The following GALNT9 variants were observed in gnomAD, a reference collection of about 807,000 sequenced individuals.
The protein encoded by GALNT9 is polypeptide N-acetylgalactosaminyltransferase 9.
A neutral mutation model predicts 63.1 loss-of-function variants in GALNT9; 47 were observed. The observed-to-expected ratio is 0.75, with a 90% CI of 0.59 to 0.95. The LOEUF (loss-of-function observed/expected upper bound fraction) is 0.95. Among genes scored for constraint, GALNT9 ranks in the 40% least tolerant of loss-of-function variants. GALNT9 has a pLI of 0.00. For missense variants in GALNT9, 829 were observed against 874.8 expected, an observed-to-expected ratio of 0.95 and a Z score of 0.66; for synonymous variants, 396 against 365.7, an observed-to-expected ratio of 1.08 and a Z score of -0.94.
intron 1 of GALNT9, among the ~76,000 whole-genome samples, chr12:132,299,693 A>T (rs530431912): frequency 7.0e-6 from 1 of 141,976 alleles, no homozygotes. Context: ...CCCATCCCTG[A>T]GATGACCAAG....
chr12:132,261,170 G>C, intron 3 of GALNT9, 48 bp from the exon 4 acceptor site: 1 of 1,540,082 alleles, frequency 6.5e-7, no homozygotes, highest in South Asian at 1.2e-5. Flanking sequence ...TGGCAGGCGC[G>C]GGGCCACCAA....
intron 6 of GALNT9, among the ~76,000 whole-genome samples, chr12:132,233,477 C>G (rs1172203324): frequency 5.5e-5 from 2 of 36,532 alleles, no homozygotes; most frequent in African/African-American, 1.8e-4. Flanking sequence ...CACTCGATGG[C>G]GTGAGAGAGG....
At chr12:132,207,661 C>CCA (rs1210565377) in intron 6 of GALNT9, among the ~76,000 whole-genome samples, 6 of 152,080 alleles carry the variant, frequency 3.9e-5, no homozygotes, top group Non-Finnish European at 5.9e-5. Context: ...CGGCCAACTT[C>CCA]CATCATTAGC....
intron 1 of GALNT9, among the ~76,000 whole-genome samples, chr12:132,290,532 C>T (rs529605706): frequency 6.6e-6 from 1 of 152,178 alleles, no homozygotes; most frequent in South Asian, 2.1e-4. Context: ...AGCTCATGTC[C>T]ACAGCACCCA....
intron 5 of GALNT9, 130 bp from the exon 6 acceptor site, chr12:132,248,157 G>T: frequency 7.3e-7 from 1 of 1,362,368 alleles, no homozygotes; most frequent in Non-Finnish European, 9.7e-7. Context: ...TGTGCACTCA[G>T]GTCCCTGTGC....
intron 6 of GALNT9, among the ~76,000 whole-genome samples, chr12:132,207,779 C>T (rs896364333): frequency 3.3e-5 from 5 of 152,184 alleles, no homozygotes; most frequent in Non-Finnish European, 7.3e-5. Context: ...CAAGGGCCCA[C>T]GGCTTGCGTG....
chr12:132,300,249 C>G (rs1434288915), intron 1 of GALNT9, among the ~76,000 whole-genome samples: 2 of 148,534 alleles, frequency 1.3e-5, no homozygotes, highest in Non-Finnish European at 3.0e-5. Flanking sequence ...TAACCCACTC[C>G]CATGATAACT....
At chr12:132,299,654 C>CATG (rs1156938040) in intron 1 of GALNT9, among the ~76,000 whole-genome samples, 1 of 138,818 alleles carries the variant, frequency 7.2e-6, no homozygotes, top group Non-Finnish European at 1.6e-5. Flanking sequence ...AACTCACTCC[C>CATG]ATAACTAACA....
intron 6 of GALNT9, chr12:132,240,862 C>CGGGGCCCTCCCT (rs1565996057): frequency 1.1e-5 from 4 of 376,578 alleles, no homozygotes; most frequent in African/African-American, 6.8e-5. Context: ...ACCCCCTTCC[C>CGGGGCCCTCCCT]AGGGCCGTCC....
At chr12:132,249,540 C>A (rs1206071370) in intron 5 of GALNT9, among the ~76,000 whole-genome samples, 3 of 152,166 alleles carry the variant, frequency 2.0e-5, no homozygotes, top group Admixed American at 2.0e-4. Flanking sequence ...TTTTAATACC[C>A]CCCCTTGATT....
At chr12:132,328,933 C>A in intron 1 of GALNT9, 33 bp downstream of exon 1, 1 of 1,489,300 alleles carries the variant, frequency 6.7e-7, no homozygotes, top group South Asian at 1.3e-5. Context: ...CCGGGCAGGG[C>A]TGCCCCCACT....
chr12:132,281,915 G>C (rs56359227), intron 2 of GALNT9, among the ~76,000 whole-genome samples: 2 of 120,562 alleles, frequency 1.7e-5, no homozygotes, highest in African/African-American at 8.6e-5. Context: ...GGGGGTCCCC[G>C]ATCCCACAGA....
At chr12:132,217,931 TCATCCACCCACCCACTCACCACTCATC>T in intron 6 of GALNT9, among the ~76,000 whole-genome samples, 1 of 143,974 alleles carries the variant, frequency 6.9e-6, no homozygotes, top group Non-Finnish European at 1.5e-5. Flanking sequence ...ACCCATCCAT[TCATCCACCCACCCACTCACCACTCATC>T]CATCTACCCA....
chr12:132,260,347 G>A (rs1478557274), intron 4 of GALNT9, among the ~76,000 whole-genome samples: 2 of 152,170 alleles, frequency 1.3e-5, no homozygotes, highest in African/African-American at 2.4e-5. Context: ...CCTCCAGAAC[G>A]GTGAGGAGGT....
chr12:132,252,290 T>G lies in GALNT9; in HGVS notation c.960-4263A>C, dbSNP rs1053687451. Among the ~76,000 whole-genome samples the G allele has an allele frequency of 6.6e-6, 1 of 152,158 alleles. No individual in the cohort carries two copies. Among genetic ancestry groups the G allele is most frequent in the Admixed American group, 6.5e-5 (1 of 15,270 alleles). On this transcript the variant is annotated intron_variant, in intron 5 of 10. Coordinates refer to ENST00000328957, the MANE Select transcript of GALNT9 (RefSeq NM_001122636.2). The surrounding 1 kb of genome is among the most constrained non-coding windows in gnomAD (Gnocchi z 5.2). ...GGAAGGGCAGAGAGTCCCAGGCACA[T>G]GGGCACCTCCTGCAGCCGCATCCCC...
At chr12:132,328,928 C>T (rs1869163063) in intron 1 of GALNT9, 38 bp downstream of exon 1, 6 of 1,479,224 alleles carry the variant, frequency 4.1e-6, no homozygotes, top group Non-Finnish European at 5.4e-6. Flanking sequence ...CTGTCCCGGG[C>T]AGGGCTGCCC....
rs542775494 is a variant in GALNT9, at chr12:132,250,266, G to A, written c.960-2239C>T. 1.7e-3 allele frequency among the ~76,000 whole-genome samples: 259 copies of A among 152,282 alleles called. 1 individual carries two copies. The highest frequency in any genetic ancestry group is 3.1e-3 in the Non-Finnish European group (208 of 68,020). ...GTCCACGGGGGCAGGAAGTGGATTC[G>A]TGGATGCAGGGGCTGGGGCGGGGGG... On this transcript the variant is annotated intron_variant, in intron 5 of 10. Coordinates refer to ENST00000328957, the MANE Select transcript of GALNT9 (RefSeq NM_001122636.2).
At chr12:132,209,782 C>T (rs1364732421) in intron 6 of GALNT9, among the ~76,000 whole-genome samples, 1 of 152,204 alleles carries the variant, frequency 6.6e-6, no homozygotes, top group Non-Finnish European at 1.5e-5. Context: ...AATCCTGCTG[C>T]CTTTCCCAGA....
At chr12:132,229,586 G>A (rs985434373) in intron 6 of GALNT9, among the ~76,000 whole-genome samples, 4 of 152,182 alleles carry the variant, frequency 2.6e-5, no homozygotes, top group African/African-American at 4.8e-5. Flanking sequence ...TCATGAGCAC[G>A]CGTGACGGGG....
Sources: allele counts gnomAD v4.1 joint callset (sites outside exome capture counted in the v4.1 genomes callset), GRCh38; gene constraint gnomAD v4.1.1; non-coding constraint Gnocchi (gnomAD v3.1); transcripts MANE v1.5; gene names NCBI Gene and HGNC (gene_info 2026-07-23, HGNC 2026-07-21).